ALPK2: variants seen among roughly 807,000 people sequenced by gnomAD.
ALPK2 encodes alpha kinase 2, also known as alpha-protein kinase 2.
In ALPK2, 127 loss-of-function variants were observed where a neutral mutation model predicts 163.1. That is an observed-to-expected ratio of 0.78 (90% confidence interval 0.67 to 0.90). The LOEUF (loss-of-function observed/expected upper bound fraction) is 0.90, where lower values mean the gene tolerates loss of function less well. Ranked by LOEUF, ALPK2 falls within the 40% of genes least tolerant of loss-of-function variation. The probability of loss-of-function intolerance (pLI) is 0.00; values close to 1 mark genes in which losing one functional copy is unlikely to be tolerated. For synonymous variants in ALPK2, 953 were observed against 959.1 expected (o/e 0.99, Z 0.12); for missense variants, 2,360 against 2,589.6 (o/e 0.91, Z 1.92).
chr18:58,537,974 T>G lies in ALPK2; in HGVS notation c.2213A>C (p.Lys738Thr). The G allele has an allele frequency of 1.2e-6, 2 of 1,614,176 alleles. No homozygotes were observed. Among genetic ancestry groups the G allele is most frequent in the Non-Finnish European group, 1.7e-6 (2 of 1,180,024 alleles). The change falls in exon 5 of 13, where the codon AAA becomes ACA. Residue 738 changes from lysine to threonine, a missense_variant. By Grantham distance (78) the Lys-to-Thr change is moderately conservative. Coordinates refer to ENST00000361673, the MANE Select transcript of ALPK2 (RefSeq NM_052947.4). ...NIPDNFREDL[K>T]YEQSISEAND... is the part of the protein sequence containing the mutation. Reference sequence around the variant, plus strand: ...GGCTTCTGAGATGCTCTGCTCATATTTTAGGTCTTCCCTGAAATTGTCAGG... The same window carrying G: ...GGCTTCTGAGATGCTCTGCTCATATGTTAGGTCTTCCCTGAAATTGTCAGG...
rs1285404967 is a variant in ALPK2, at chr18:58,512,737, GTTAT to G, written c.6029+2252_6029+2255del. Reference sequence around the variant, plus strand: ...TGTGTGTATTGTCTGTGGTGTGTGTGTTATGTGGTGTGTGTTGTGTGTATGTGTA... The same window carrying G: ...TGTGTGTATTGTCTGTGGTGTGTGTGGTGGTGTGTGTTGTGTGTATGTGTA... On this transcript the variant is annotated intron_variant, in intron 10 of 12. Transcript: ENST00000361673. Among the ~76,000 whole-genome samples the G allele has an allele frequency of 6.4e-5, 8 of 125,424 alleles. 1 individual carries two copies. Among genetic ancestry groups the G allele is most frequent in the Admixed American group, 1.6e-4 (2 of 12,332 alleles). 82.3% of individuals were successfully genotyped at this position (125,424 alleles called of 152,430 possible).
chr18:58,588,627 C>T (rs1289234955), intron 3 of ALPK2, among the ~76,000 whole-genome samples: 1 of 152,138 alleles, frequency 6.6e-6, no homozygotes, highest in Non-Finnish European at 1.5e-5. Context: ...TTGTTCCCCT[C>T]CCTGTGTCCA....
chr18:58,505,673 C>G (rs925905943), intron 10 of ALPK2, among the ~76,000 whole-genome samples: 2 of 152,172 alleles, frequency 1.3e-5, no homozygotes, highest in Non-Finnish European at 2.9e-5. Flanking sequence ...GACTCACATT[C>G]GACATCGAAA....
At chr18:58,618,195 G>A (rs778400677) in intron 1 of ALPK2, among the ~76,000 whole-genome samples, 5 of 152,154 alleles carry the variant, frequency 3.3e-5, no homozygotes, top group Non-Finnish European at 7.3e-5. Flanking sequence ...ACAGGCACAA[G>A]CCACCATGCC....
intron 5 of ALPK2, among the ~76,000 whole-genome samples, chr18:58,534,331 AT>A (rs2144143903): frequency 6.6e-6 from 1 of 152,280 alleles, no homozygotes; most frequent in Admixed American, 6.5e-5. Context: ...CAAGGAAGTT[AT>A]TTTTAATGAA....
In ALPK2 at chr18:58,535,535, G is replaced by A. The variant is rs750960307; in HGVS notation, c.4652C>T (p.Ala1551Val). ...LSSCLPIMTH[A>V]SLGVDTHNST... ...GTTGTGCGTGTCAACCCCAAGAGAA[G>A]CGTGAGTCATTATTGGAAGACAACT... The change falls in exon 5 of 13, where the codon GCT (alanine) becomes GTT (valine). Residue 1551 changes from alanine to valine, a missense_variant. By Grantham distance (64) the Ala-to-Val change is moderately conservative. Coordinates refer to ENST00000361673, the MANE Select transcript of ALPK2 (RefSeq NM_052947.4). The A allele has an allele frequency of 6.2e-7, 1 of 1,614,160 alleles. No homozygotes were observed. The highest frequency in any genetic ancestry group is 2.2e-5 in the East Asian group (1 of 44,878).
intron 5 of ALPK2, among the ~76,000 whole-genome samples, chr18:58,531,630 A>C (rs901408704): frequency 7.0e-6 from 1 of 143,854 alleles, no homozygotes; most frequent in South Asian, 2.4e-4. Flanking sequence ...GTAACGAACA[A>C]CTAGAAGGTG....
chr18:58,515,084 A>T lies in ALPK2; in HGVS notation c.5941-3T>A, dbSNP rs201920393. 2.1e-5 allele frequency: 33 copies of T among 1,608,488 alleles called. No homozygotes were observed. Among genetic ancestry groups the T allele is most frequent in the Non-Finnish European group, 2.8e-5 (33 of 1,176,436 alleles). Reference sequence around the variant, plus strand: ...GCAGTATTTTGAACATAGCATTCCTATATCGCCAAAATACATAGAAAGCCC... The same window carrying T: ...GCAGTATTTTGAACATAGCATTCCTTTATCGCCAAAATACATAGAAAGCCC... On this transcript the variant is annotated splice_region_variant and splice_polypyrimidine_tract_variant and intron_variant, in intron 9 of 12. Coordinates refer to ENST00000361673, the MANE Select transcript of ALPK2 (RefSeq NM_052947.4).
At chr18:58,604,889 G>C in intron 3 of ALPK2, among the ~76,000 whole-genome samples, 1 of 152,114 alleles carries the variant, frequency 6.6e-6, no homozygotes, top group East Asian at 1.9e-4. Flanking sequence ...GCTTTGACTT[G>C]CCCACCTGTC....
rs574073927 is a variant in ALPK2 at position 58,558,617 on chromosome 18, T to G, written c.1962+20197A>C. Reference sequence around the variant, plus strand: ...GAAAACATATGCCCACAAAATGATCTCGCACATAAATGTTCATAGCAGCAT... The same window carrying G: ...GAAAACATATGCCCACAAAATGATCGCGCACATAAATGTTCATAGCAGCAT... On this transcript the variant is annotated intron_variant, in intron 4 of 12. Coordinates refer to ENST00000361673, the MANE Select transcript of ALPK2 (RefSeq NM_052947.4). 2.6e-5 allele frequency among the ~76,000 whole-genome samples: 4 copies of G among 152,272 alleles called. No homozygotes were observed. In the South Asian group the frequency reaches 8.3e-4, roughly 32 times the overall value.
Position 58,529,122 on chromosome 18 carries a change from C to G in ALPK2, c.5470G>C (p.Asp1824His). Residue 1824 changes from aspartate (D) to histidine (H), a missense_variant, in exon 6 of 13, where the codon GAT becomes CAT. Asp to His is a moderately conservative substitution (Grantham distance 81). Transcript: ENST00000361673. ...TGCACTTGGGCTATGGACTTTGAAT[C>G]TTTTGTCCAGCAGATAGTAGAATCT... ...HEDSTICWTK[D>H]SKSIAQVQRS... 6.2e-7 allele frequency: 1 copy of G among 1,614,088 alleles called. No homozygotes were observed. The highest frequency in any genetic ancestry group is 8.5e-7 in the Non-Finnish European group (1 of 1,179,980).
At chr18:58,580,583 C>T (rs780321235) in intron 3 of ALPK2, 35 bp from the exon 4 acceptor site, 6 of 1,545,438 alleles carry the variant, frequency 3.9e-6, no homozygotes, top group Admixed American at 1.8e-5. Flanking sequence ...AAGTTTGCCA[C>T]ATTTGGACAT....
intron 4 of ALPK2, among the ~76,000 whole-genome samples, chr18:58,562,415 G>C (rs1439909209): frequency 6.6e-6 from 1 of 152,204 alleles, no homozygotes; most frequent in Non-Finnish European, 1.5e-5. Flanking sequence ...TTTTTGGTAA[G>C]TAACAATTCC....
At chr18:58,553,770 A>G (rs1423645975) in intron 4 of ALPK2, among the ~76,000 whole-genome samples, 1 of 149,786 alleles carries the variant, frequency 6.7e-6, no homozygotes, top group Admixed American at 6.6e-5. Flanking sequence ...AGGCTTCCCC[A>G]GCCATGCTGA....
At chr18:58,627,741 G>A (rs2052239566) in intron 1 of ALPK2, among the ~76,000 whole-genome samples, 1 of 152,160 alleles carries the variant, frequency 6.6e-6, no homozygotes, top group African/African-American at 2.4e-5. Flanking sequence ...ATGGTTATTG[G>A]CCATCCATGC....
At chr18:58,628,726 G>A (rs753347000) in intron 1 of ALPK2, 38 bp downstream of exon 1, 1 of 152,132 alleles carries the variant, frequency 6.6e-6, no homozygotes, top group Admixed American at 6.5e-5. Flanking sequence ...TGAAAGCACA[G>A]CCATTCCTTA....
At chr18:58,542,251 A>G (rs1244001058) in intron 4 of ALPK2, among the ~76,000 whole-genome samples, 1 of 152,212 alleles carries the variant, frequency 6.6e-6, no homozygotes, top group Non-Finnish European at 1.5e-5. Flanking sequence ...GACTAACCAC[A>G]TGCATGTCTG....
intron 8 of ALPK2, among the ~76,000 whole-genome samples, chr18:58,522,192 T>C (rs1348422849): frequency 1.3e-5 from 2 of 152,198 alleles, no homozygotes; most frequent in Admixed American, 6.5e-5. Flanking sequence ...CACCGTGGTA[T>C]GTGGAGCTGG....
intron 1 of ALPK2, among the ~76,000 whole-genome samples, chr18:58,615,159 G>C (rs1246689237): frequency 6.6e-6 from 1 of 152,110 alleles, no homozygotes; most frequent in Admixed American, 6.5e-5. Context: ...TTAACACAAT[G>C]TTTTTGGGGT....
Sources: gnomAD v4.1 joint callset for allele counts (sites outside exome capture counted in the v4.1 genomes callset) on GRCh38, gnomAD v4.1.1 for gene constraint, MANE v1.5 for transcripts, NCBI Gene and HGNC (gene_info 2026-07-23, HGNC 2026-07-21) for gene names.